The following PIK3C2G variants were observed in gnomAD, a reference collection of about 807,000 sequenced individuals.
The protein encoded by PIK3C2G is phosphatidylinositol 3-kinase C2 domain-containing subunit gamma.
Under a neutral mutation model 181.1 loss-of-function variants are expected in PIK3C2G, and 168 were observed. The ratio of observed to expected loss-of-function variants is 0.93; its 90% confidence interval spans 0.82 to 1.05. The LOEUF (loss-of-function observed/expected upper bound fraction) is 1.05, where lower values mean the gene tolerates loss of function less well. PIK3C2G is among the 50% of genes least tolerant of loss of function. PIK3C2G has a pLI of 0.00. For missense variants in PIK3C2G, 1,869 were observed against 1,732.8 expected (o/e 1.08, Z -1.40); for synonymous variants, 573 against 592.2 (o/e 0.97, Z 0.47).
intron 18 of PIK3C2G, among the ~76,000 whole-genome samples, chr12:18,435,490 T>C (rs147907601): frequency 7.9e-5 from 12 of 152,172 alleles, no homozygotes; most frequent in South Asian, 4.1e-4. Flanking sequence ...CTCCAGCTGG[T>C]TAGCATAATT....
chr12:18,507,257 T>A (rs1452941986), intron 24 of PIK3C2G, among the ~76,000 whole-genome samples: 2 of 152,074 alleles, frequency 1.3e-5, no homozygotes, highest in African/African-American at 2.4e-5. Context: ...CTCGAACTCC[T>A]GGCCTCAAGT....
chr12:18,537,347 GTTC>G (rs751060195), intron 24 of PIK3C2G, among the ~76,000 whole-genome samples: 1 of 152,080 alleles, frequency 6.6e-6, no homozygotes, highest in Non-Finnish European at 1.5e-5. Flanking sequence ...AAAACTCTGT[GTTC>G]TTATTCAATG....
chr12:18,504,793 C>T (rs1203157190), intron 23 of PIK3C2G, among the ~76,000 whole-genome samples: 1 of 152,210 alleles, frequency 6.6e-6, no homozygotes, highest in African/African-American at 2.4e-5. Flanking sequence ...ACATCAACTA[C>T]ATTGATGACC....
intron 30 of PIK3C2G, among the ~76,000 whole-genome samples, chr12:18,598,270 A>C (rs1947490058): frequency 6.6e-6 from 1 of 151,922 alleles, no homozygotes; most frequent in African/African-American, 2.4e-5. Flanking sequence ...TACAGTAACC[A>C]AAACAGCATG....
chr12:18,243,880 T>A (rs983871500), upstream of PIK3C2G, among the ~76,000 whole-genome samples: 1 of 151,946 alleles, frequency 6.6e-6, no homozygotes, highest in African/African-American at 2.4e-5. Context: ...AAGGCACTTA[T>A]AAACTCTAAT....
intron 5 of PIK3C2G, among the ~76,000 whole-genome samples, chr12:18,297,555 T>A (rs1949993844): frequency 6.6e-6 from 1 of 152,042 alleles, no homozygotes; most frequent in Non-Finnish European, 1.5e-5. Flanking sequence ...AATCTTCTCT[T>A]CTAGTTTTTT....
At chr12:18,463,475 C>A in intron 18 of PIK3C2G, among the ~76,000 whole-genome samples, 1 of 152,112 alleles carries the variant, frequency 6.6e-6, no homozygotes. Flanking sequence ...ATAAACGCAG[C>A]ATAAGCAACA....
At chr12:18,596,537 C>A (rs549311736) in intron 30 of PIK3C2G, among the ~76,000 whole-genome samples, 6 of 152,046 alleles carry the variant, frequency 3.9e-5, no homozygotes, top group Admixed American at 1.3e-4. Flanking sequence ...CTTTGACACC[C>A]AGAAGATAGT....
rs1180304053 is a variant in PIK3C2G, at chr12:18,523,591, T to C, written c.3324-14565T>C. 3.9e-5 allele frequency among the ~76,000 whole-genome samples: 6 copies of C among 152,280 alleles called. No homozygotes were observed. The East Asian group carries it at 7.7e-4, about 20-fold the overall frequency. ...TTGGATTACCTGTTCATTTCTAGGA[T>C]TGGGTAGGGCCAAATGCTCCCTCCA... On this transcript the variant is annotated intron_variant, in intron 24 of 32. Coordinates refer to ENST00000538779, the MANE Select transcript of PIK3C2G (RefSeq NM_001288772.2).
At chr12:18,641,742 G>GTTTTTTTTTTTT (rs1949849644) in intron 32 of PIK3C2G, among the ~76,000 whole-genome samples, 1 of 97,106 alleles carries the variant, frequency 1.0e-5, no homozygotes, top group Non-Finnish European at 1.8e-5. Flanking sequence ...TCTCTCTCAA[G>GTTTTTTTTTTTT]CTTTTTTTTT....
chr12:18,527,572 C>T (rs1400096436), intron 24 of PIK3C2G, among the ~76,000 whole-genome samples: 1 of 152,068 alleles, frequency 6.6e-6, no homozygotes, highest in African/African-American at 2.4e-5. Flanking sequence ...ATGTTTTCCT[C>T]ATATCCAGAC....
Position 18,496,057 on chromosome 12 carries a change from T to C in PIK3C2G, c.2794-5T>C. On this transcript the variant is annotated splice_polypyrimidine_tract_variant and splice_region_variant and intron_variant, in intron 20 of 32. Transcript: ENST00000538779. ...CACTAGTTTTCCCTTTTTCTTTTCC[T>C]ATAGGCATGTTCATATTTTACATCT... 6.8e-7 allele frequency: 1 copy of C among 1,464,680 alleles called. No individual in the cohort carries two copies. The allele number at this position is 1,464,680 out of a possible 1,614,324, so 90.7% of individuals were successfully genotyped here.
intron 25 of PIK3C2G, among the ~76,000 whole-genome samples, chr12:18,538,576 T>A (rs891011390): frequency 5.9e-5 from 9 of 152,128 alleles, no homozygotes; most frequent in South Asian, 4.1e-4. Flanking sequence ...TTGACTAATG[T>A]TCAAGGACAG....
intron 29 of PIK3C2G, among the ~76,000 whole-genome samples, chr12:18,569,439 A>G (rs746866222): frequency 4.6e-5 from 7 of 152,172 alleles, no homozygotes; most frequent in Non-Finnish European, 1.0e-4. Context: ...CCAACAATGC[A>G]GTGATAGCCC....
At chr12:18,424,551 A>C (rs1945681396) in intron 18 of PIK3C2G, 1 of 161,304 alleles carries the variant, frequency 6.2e-6, no homozygotes, top group African/African-American at 2.4e-5. Flanking sequence ...GATTCATAAG[A>C]TGCCAGAATG....
At chr12:18,693,590 C>T in the PIK3C2G span, 10 of 1,590,304 alleles carry the variant, frequency 6.3e-6, no homozygotes, top group Non-Finnish European at 8.6e-6. Context: ...GGAATTGTTT[C>T]GAGTTGCTGA....
intron 9 of PIK3C2G, among the ~76,000 whole-genome samples, chr12:18,339,765 T>TA: frequency 6.6e-6 from 1 of 152,126 alleles, no homozygotes. Context: ...GATTAGACAG[T>TA]AAAAAAATGA....
intron 31 of PIK3C2G, among the ~76,000 whole-genome samples, chr12:18,639,133 C>T (rs1162206432): frequency 6.6e-6 from 1 of 151,870 alleles, no homozygotes. Flanking sequence ...AACATATTGA[C>T]AAATGAGGGT....
chr12:18,316,124 T>C (rs1056446959), intron 6 of PIK3C2G, among the ~76,000 whole-genome samples: 1 of 152,098 alleles, frequency 6.6e-6, no homozygotes, highest in African/African-American at 2.4e-5. Context: ...TTTTCTATCC[T>C]ATAAAAATAA....
Sources: allele counts gnomAD v4.1 joint callset (sites outside exome capture counted in the v4.1 genomes callset), GRCh38; gene constraint gnomAD v4.1.1; transcripts MANE v1.5; gene names NCBI Gene and HGNC (gene_info 2026-07-23, HGNC 2026-07-21).